The following GPC6 variants were observed in gnomAD, a reference collection of about 807,000 sequenced individuals.
GPC6 encodes the protein glypican 6.
GPC6 carries 14 observed loss-of-function variants against 55.2 expected under a neutral mutation model. That is an observed-to-expected ratio of 0.25 (90% CI 0.17 to 0.40). GPC6 has a LOEUF of 0.40. Among genes scored for constraint, GPC6 ranks in the 10% least tolerant of loss-of-function variants. The pLI, the probability that GPC6 is intolerant of heterozygous loss-of-function variation, is 1.00. For missense variants in GPC6, 641 were observed against 708.5 expected, an observed-to-expected ratio of 0.90 and a Z score of 1.08; for synonymous variants, 278 against 259.6, an observed-to-expected ratio of 1.07 and a Z score of -0.68.
At chr13:94,245,462 T>G (rs1891169140) in intron 4 of GPC6, among the ~76,000 whole-genome samples, 1 of 151,862 alleles carries the variant, frequency 6.6e-6, no homozygotes, top group African/African-American at 2.4e-5. Context: ...CCCAGCTACT[T>G]GGGAAGCTAA....
intron 2 of GPC6, among the ~76,000 whole-genome samples, chr13:93,811,792 T>C (rs1000152970): frequency 6.6e-6 from 1 of 152,100 alleles, no homozygotes; most frequent in Non-Finnish European, 1.5e-5. Flanking sequence ...CTAAAAAATA[T>C]GTGTAAGGAA....
At chr13:93,319,476 T>G (rs1879356514) in intron 1 of GPC6, among the ~76,000 whole-genome samples, 1 of 152,112 alleles carries the variant, frequency 6.6e-6, no homozygotes, top group African/African-American at 2.4e-5. Flanking sequence ...AAACAGAATG[T>G]GATGCTATTA....
At chr13:94,208,267 G>A (rs1180601745) in intron 4 of GPC6, among the ~76,000 whole-genome samples, 1 of 152,160 alleles carries the variant, frequency 6.6e-6, no homozygotes, top group African/African-American at 2.4e-5. Flanking sequence ...AGCACCTAGT[G>A]GCTTAAAACC....
At chr13:94,002,524 C>T (rs1196540315) in intron 3 of GPC6, among the ~76,000 whole-genome samples, 1 of 151,942 alleles carries the variant, frequency 6.6e-6, no homozygotes, top group African/African-American at 2.4e-5. Context: ...TTTTCTTTGC[C>T]AGAACATTTC....
At chr13:93,287,338 A>G (rs573903554) in intron 1 of GPC6, among the ~76,000 whole-genome samples, 13 of 152,338 alleles carry the variant, frequency 8.5e-5, no homozygotes, top group Admixed American at 5.9e-4. Context: ...AAGTGAGCCA[A>G]TGACATAGAG....
intron 5 of GPC6, among the ~76,000 whole-genome samples, chr13:94,287,670 C>G (rs930223734): frequency 3.3e-5 from 5 of 152,080 alleles, no homozygotes; most frequent in Non-Finnish European, 5.9e-5. Context: ...CTCCAAATTA[C>G]CATCACCTGT....
chr13:94,281,086 A>G (rs144623918), intron 4 of GPC6, among the ~76,000 whole-genome samples: 2,833 of 152,292 alleles, frequency 0.019, 91 homozygotes, highest in African/African-American at 0.064. Context: ...CCTCTTTGGC[A>G]CATAACAAAT....
intron 3 of GPC6, among the ~76,000 whole-genome samples, chr13:93,858,586 A>G (rs990558831): frequency 2.2e-4 from 34 of 151,758 alleles, no homozygotes; most frequent in African/African-American, 7.7e-4. Context: ...AAAAGAACCA[A>G]TGAGACAGAA....
chr13:93,283,648 A>G (rs1878022015), intron 1 of GPC6, among the ~76,000 whole-genome samples: 1 of 152,236 alleles, frequency 6.6e-6, no homozygotes, highest in Non-Finnish European at 1.5e-5. Context: ...GAGAAATTAC[A>G]TGTGCGGTCT....
intron 4 of GPC6, among the ~76,000 whole-genome samples, chr13:94,216,408 TCA>T (rs1356667177): frequency 3.9e-5 from 6 of 152,148 alleles, no homozygotes; most frequent in Non-Finnish European, 7.3e-5. Context: ...AGAAAGTACT[TCA>T]CATTGTGCAA....
intron 6 of GPC6, among the ~76,000 whole-genome samples, chr13:94,377,024 C>T (rs1161687696): frequency 9.9e-5 from 15 of 151,838 alleles, no homozygotes; most frequent in Admixed American, 9.2e-4. Flanking sequence ...TGGATCCCTT[C>T]CTTACACATT....
chr13:93,969,893 G>T (rs1454909192), intron 3 of GPC6, among the ~76,000 whole-genome samples: 1 of 152,084 alleles, frequency 6.6e-6, no homozygotes, highest in African/African-American at 2.4e-5. Flanking sequence ...TTGCGCAAAT[G>T]ACAGGATTTC....
At chr13:94,228,461 G>T (rs1890621719) in intron 4 of GPC6, among the ~76,000 whole-genome samples, 1 of 152,048 alleles carries the variant, frequency 6.6e-6, no homozygotes, top group South Asian at 2.1e-4. Flanking sequence ...ACTATTTCTA[G>T]AAATGATATT....
intron 3 of GPC6, among the ~76,000 whole-genome samples, chr13:93,896,975 C>T (rs1876047659): frequency 1.4e-5 from 2 of 140,504 alleles, no homozygotes; most frequent in South Asian, 4.6e-4. Flanking sequence ...TGGGTTTAAA[C>T]CTCATTATTC....
At chr13:93,691,002 T>G (rs1882237880) in intron 2 of GPC6, among the ~76,000 whole-genome samples, 1 of 152,128 alleles carries the variant, frequency 6.6e-6, no homozygotes, top group African/African-American at 2.4e-5. Context: ...TTAGTGTATT[T>G]CTTCTCTCTG....
At chr13:94,322,580 T>C (rs972776532) in intron 6 of GPC6, among the ~76,000 whole-genome samples, 4 of 152,194 alleles carry the variant, frequency 2.6e-5, no homozygotes, top group Non-Finnish European at 5.9e-5. Flanking sequence ...ATATCCCTTT[T>C]ATGGAATTTG....
intron 2 of GPC6, among the ~76,000 whole-genome samples, chr13:93,714,676 A>C (rs1357268091): frequency 2.0e-5 from 3 of 151,668 alleles, no homozygotes; most frequent in Admixed American, 1.3e-4. Flanking sequence ...TTTGTACAAG[A>C]AGGAATTCAG....
chr13:93,911,830 A>T (rs1193328714), intron 3 of GPC6, among the ~76,000 whole-genome samples: 1 of 152,248 alleles, frequency 6.6e-6, no homozygotes, highest in Non-Finnish European at 1.5e-5. Context: ...CTGGTTGGTT[A>T]CTGGTAGAAG....
At chr13:94,225,615 T>C (rs1174350076) in intron 4 of GPC6, among the ~76,000 whole-genome samples, 1 of 151,774 alleles carries the variant, frequency 6.6e-6, no homozygotes, top group Non-Finnish European at 1.5e-5. Context: ...ATATACTCTT[T>C]AGAGAATATA....
Sources: allele counts gnomAD v4.1 joint callset (sites outside exome capture counted in the v4.1 genomes callset), GRCh38; gene constraint gnomAD v4.1.1; transcripts MANE v1.5; gene names NCBI Gene and HGNC (gene_info 2026-07-23, HGNC 2026-07-21).